The following KCNH7 variants were observed in gnomAD, a reference collection of about 807,000 sequenced individuals.
KCNH7 encodes voltage-gated inwardly rectifying potassium channel KCNH7.
Under a neutral mutation model 120.8 loss-of-function variants are expected in KCNH7, and 49 were observed. The observed-to-expected ratio is 0.41, with a 90% confidence interval of 0.32 to 0.51. The LOEUF is 0.51. KCNH7 is among the 20% of genes least tolerant of loss of function. KCNH7 has a pLI of 0.38. For synonymous variants in KCNH7, 547 were observed against 516.1 expected, an observed-to-expected ratio of 1.06 and a Z score of -0.81; for missense variants, 1,097 against 1,446.6, an observed-to-expected ratio of 0.76 and a Z score of 3.92.
chr2:162,581,456 T>C (rs1287223268), intron 2 of KCNH7, among the ~76,000 whole-genome samples: 2 of 152,092 alleles, frequency 1.3e-5, no homozygotes, highest in Admixed American at 6.6e-5. Context: ...TGTTTTATTA[T>C]ATCCGTTACC....
At chr2:162,534,204 C>T (rs189553355) in intron 3 of KCNH7, among the ~76,000 whole-genome samples, 28 of 151,274 alleles carry the variant, frequency 1.9e-4, no homozygotes, top group Admixed American at 1.8e-3. Flanking sequence ...TACCAAAAAA[C>T]TGAAAGAATG....
intron 6 of KCNH7, among the ~76,000 whole-genome samples, chr2:162,495,235 T>G (rs1221509269): frequency 6.6e-6 from 1 of 152,192 alleles, no homozygotes; most frequent in Non-Finnish European, 1.5e-5. Flanking sequence ...AAGCATGACC[T>G]GCAGAACCAA....
At chr2:162,386,634 T>G (rs1263972278) in intron 12 of KCNH7, among the ~76,000 whole-genome samples, 5 of 151,796 alleles carry the variant, frequency 3.3e-5, no homozygotes, top group Non-Finnish European at 7.4e-5. Flanking sequence ...TTGTGGAGTG[T>G]TTTCCAGCAG....
chr2:162,702,437 T>C (rs1229504951), intron 2 of KCNH7, among the ~76,000 whole-genome samples: 2 of 152,192 alleles, frequency 1.3e-5, no homozygotes, highest in Non-Finnish European at 2.9e-5. Context: ...ACCTTCAATA[T>C]AATGCGTTAT....
intron 2 of KCNH7, among the ~76,000 whole-genome samples, chr2:162,592,025 T>G (rs1217189802): frequency 6.6e-6 from 1 of 152,112 alleles, no homozygotes; most frequent in Admixed American, 6.6e-5. Context: ...TCAATCCTCT[T>G]TTATTTTCCC....
At chr2:162,794,236 C>CAGGAGGG (rs1179401387) in intron 2 of KCNH7, among the ~76,000 whole-genome samples, 1 of 149,028 alleles carries the variant, frequency 6.7e-6, no homozygotes, top group East Asian at 2.0e-4. Flanking sequence ...GAAGGAAGGG[C>CAGGAGGG]AGGAGGGAGA....
At chr2:162,422,294 C>G (rs1438186812) in intron 9 of KCNH7, among the ~76,000 whole-genome samples, 1 of 152,122 alleles carries the variant, frequency 6.6e-6, no homozygotes, top group African/African-American at 2.4e-5. Flanking sequence ...TTGAACCCTT[C>G]TTTCTCCATT....
intron 8 of KCNH7, among the ~76,000 whole-genome samples, chr2:162,434,839 G>A (rs1017734443): frequency 6.6e-6 from 1 of 151,948 alleles, no homozygotes; most frequent in Non-Finnish European, 1.5e-5. Context: ...CTATCATCAT[G>A]TAGTGTAAAT....
chr2:162,437,761 G>A (rs1246959918), intron 7 of KCNH7, among the ~76,000 whole-genome samples: 1 of 152,062 alleles, frequency 6.6e-6, no homozygotes, highest in Admixed American at 6.6e-5. Flanking sequence ...CAATAAGCAG[G>A]AACTTTATGT....
At position 162,820,964 on chromosome 2, in the gene KCNH7, T is replaced by C. The variant is rs115649923; in HGVS notation, c.307+15573A>G. Among the ~76,000 whole-genome samples the C allele has an allele frequency of 2.7e-3, 405 of 152,334 alleles. 2 individuals carry two copies. The highest frequency in any genetic ancestry group is 9.3e-3 in the African/African-American group (386 of 41,582). On this transcript the variant is annotated intron_variant, in intron 2 of 15. Transcript: ENST00000332142. ...GAATGTTAATAACTTGCTGCTTTAATGCTAGCAGCCCCAGCTTTTTCAGGG... is the reference window on the plus strand; with the variant it reads ...GAATGTTAATAACTTGCTGCTTTAACGCTAGCAGCCCCAGCTTTTTCAGGG...
chr2:162,413,901 TATAAA>T (rs1687467115), intron 9 of KCNH7, among the ~76,000 whole-genome samples: 2 of 151,898 alleles, frequency 1.3e-5, no homozygotes, highest in African/African-American at 2.4e-5. Context: ...ACAAAGTTCT[TATAAA>T]ATAAAATAAT....
At chr2:162,649,523 G>A (rs114115543) in intron 2 of KCNH7, among the ~76,000 whole-genome samples, 1,846 of 152,148 alleles carry the variant, frequency 0.012, 50 homozygotes, top group African/African-American at 0.042. Context: ...GTGTATAATA[G>A]TACAGCATGT....
At chr2:162,748,818 T>TGTCC in intron 2 of KCNH7, among the ~76,000 whole-genome samples, 1 of 121,750 alleles carries the variant, frequency 8.2e-6, no homozygotes, top group Non-Finnish European at 1.6e-5. Flanking sequence ...CTTTAATCCT[T>TGTCC]CTCCCTCCCC....
At chr2:162,468,347 C>T (rs189626583) in intron 6 of KCNH7, among the ~76,000 whole-genome samples, 4 of 152,108 alleles carry the variant, frequency 2.6e-5, no homozygotes, top group Non-Finnish European at 5.9e-5. Flanking sequence ...TGTCTTCATA[C>T]TAAAGAATAT....
chr2:162,422,591 A>G (rs1250640480), intron 9 of KCNH7, among the ~76,000 whole-genome samples: 2 of 152,134 alleles, frequency 1.3e-5, no homozygotes, highest in African/African-American at 4.8e-5. Flanking sequence ...GAATGTGGGC[A>G]ATTCTCCTAA....
At chr2:162,539,042 T>G (rs1366469666) in intron 2 of KCNH7, among the ~76,000 whole-genome samples, 3 of 152,120 alleles carry the variant, frequency 2.0e-5, no homozygotes, top group Non-Finnish European at 2.9e-5. Context: ...GCACCTTCAG[T>G]CTTCAGCTTC....
intron 2 of KCNH7, among the ~76,000 whole-genome samples, chr2:162,786,479 G>A (rs1018352349): frequency 2.6e-5 from 4 of 152,080 alleles, no homozygotes; most frequent in Admixed American, 1.3e-4. Flanking sequence ...CTGGGAATGC[G>A]ACTTTTTGAG....
chr2:162,534,577 T>C (rs922031022), intron 3 of KCNH7, among the ~76,000 whole-genome samples: 3 of 151,666 alleles, frequency 2.0e-5, no homozygotes, highest in African/African-American at 7.2e-5. Context: ...GAGTAGACCA[T>C]TATTAAAGAA....
At chr2:162,444,074 T>A (rs994310914) in intron 7 of KCNH7, among the ~76,000 whole-genome samples, 2 of 152,348 alleles carry the variant, frequency 1.3e-5, no homozygotes, top group Non-Finnish European at 2.9e-5. Flanking sequence ...TAGCCATCCA[T>A]CCAGGTCATT....
Sources: allele counts gnomAD v4.1 joint callset (sites outside exome capture counted in the v4.1 genomes callset), GRCh38; gene constraint gnomAD v4.1.1; transcripts MANE v1.5; gene names NCBI Gene and HGNC (gene_info 2026-07-23, HGNC 2026-07-21).